The following CENPU variants were observed in gnomAD, a reference collection of about 807,000 sequenced individuals.
CENPU encodes the protein KSHV latent nuclear antigen interacting protein 1.
In CENPU, 46 loss-of-function variants were observed where a neutral mutation model predicts 56.7. The observed-to-expected ratio is 0.81, with a 90% CI of 0.64 to 1.04. The LOEUF (loss-of-function observed/expected upper bound fraction) is 1.04, where lower values mean the gene tolerates loss of function less well. Ranked by LOEUF, CENPU falls within the 50% of genes least tolerant of loss-of-function variation. The pLI, the probability that CENPU is intolerant of heterozygous loss-of-function variation, is 0.00. For missense variants in CENPU, 510 were observed against 490.1 expected (o/e 1.04, Z -0.38); for synonymous variants, 166 against 163.0 (o/e 1.02, Z -0.14).
rs530241220 is a variant in CENPU at position 184,694,251 on chromosome 4, C to T, written c.*1037G>A. On this transcript the variant is annotated 3_prime_UTR_variant, in exon 13 of 13. Transcript: ENST00000281453. ...TTAAAAAATTAAATCCACCCTTGCT[C>T]TTCCGTCGGGGAGTATTGAAAAGTA... The T allele has an allele frequency of 2.8e-5, 32 of 1,147,382 alleles. No individual in the cohort carries two copies. The highest frequency in any genetic ancestry group is 3.2e-5 in the African/African-American group (2 of 63,448). 71.1% of individuals were successfully genotyped at this position (1,147,382 alleles called of 1,614,324 possible).
chr4:184,702,018 G>C (rs1760549888), intron 10 of CENPU, 71 bp downstream of exon 10: 13 of 992,986 alleles, frequency 1.3e-5, no homozygotes, highest in Middle Eastern at 2.2e-4. Flanking sequence ...TAAACCCAGA[G>C]TCAAGTCTTC....
At chr4:184,729,882 G>A (rs1761578726) in intron 2 of CENPU, among the ~76,000 whole-genome samples, 1 of 152,200 alleles carries the variant, frequency 6.6e-6, no homozygotes, top group Non-Finnish European at 1.5e-5. Flanking sequence ...CAGAAAATGT[G>A]GAAGGGTACT....
In CENPU at chr4:184,720,236, A is replaced by G. The variant is rs182515356; in HGVS notation, c.321-3040T>C. Among the ~76,000 whole-genome samples, 90 of 152,284 alleles carry G rather than the reference A, an allele frequency of 5.9e-4. 1 individual carries two copies. The highest frequency in any genetic ancestry group is 2.1e-3 in the African/African-American group (87 of 41,562). On this transcript the variant is annotated intron_variant, in intron 4 of 12. Coordinates refer to ENST00000281453, the MANE Select transcript of CENPU (RefSeq NM_024629.4). Reference sequence around the variant, plus strand: ...ATTCAGTAGTTGAAAAATGTAACGGACATACTAAAGAATACATCAGAGTCT... The same window carrying G: ...ATTCAGTAGTTGAAAAATGTAACGGGCATACTAAAGAATACATCAGAGTCT...
intron 3 of CENPU, among the ~76,000 whole-genome samples, chr4:184,726,189 AG>A (rs1238859968): frequency 1.3e-5 from 2 of 152,174 alleles, no homozygotes; most frequent in East Asian, 1.9e-4. Flanking sequence ...GTGAATAACA[AG>A]GGGGGAAAAA....
chr4:184,714,584 C>T (rs571070688), intron 6 of CENPU, among the ~76,000 whole-genome samples: 40 of 152,234 alleles, frequency 2.6e-4, no homozygotes, highest in South Asian at 2.1e-3. Context: ...TGATAACACA[C>T]TGATTCTAAA....
At chr4:184,718,851 A>G (rs1024804031) in intron 4 of CENPU, among the ~76,000 whole-genome samples, 3 of 152,170 alleles carry the variant, frequency 2.0e-5, no homozygotes, top group African/African-American at 7.2e-5. Flanking sequence ...AAAAGGATGA[A>G]GCTCAGTTTT....
intron 6 of CENPU, among the ~76,000 whole-genome samples, chr4:184,713,378 A>G (rs1163723069): frequency 6.6e-6 from 1 of 152,234 alleles, no homozygotes; most frequent in Non-Finnish European, 1.5e-5. Flanking sequence ...TGGGCAACAG[A>G]GCAAGACTCC....
intron 4 of CENPU, 105 bp from the exon 5 acceptor site, chr4:184,717,301 G>C: frequency 1.2e-6 from 1 of 818,258 alleles, no homozygotes; most frequent in South Asian, 1.6e-5. Flanking sequence ...ATTTAATGAG[G>C]AAATATCCTA....
At chr4:184,732,174 CTTTTG>C (rs755072112) in intron 1 of CENPU, among the ~76,000 whole-genome samples, 34 of 151,956 alleles carry the variant, frequency 2.2e-4, no homozygotes, top group Non-Finnish European at 2.9e-4. Flanking sequence ...GTTCACAAGC[CTTTTG>C]TTTTATGTGT....
At chr4:184,716,719 A>C in intron 5 of CENPU, 86 bp from the exon 6 acceptor site, 1 of 1,025,208 alleles carries the variant, frequency 9.8e-7, no homozygotes, top group Non-Finnish European at 1.4e-6. Flanking sequence ...CCATATATAT[A>C]GTCCACATTT....
rs374711694 is a variant in CENPU at position 184,729,006 on chromosome 4, G to A, written c.126C>T (p.Asp42=). The change falls in exon 3 of 13, where the codon GAC becomes GAT. Residue 42 remains aspartate, a synonymous_variant. Transcript: ENST00000281453. ...CAGAATTATCAGGAAAGTCGAACAC[G>A]TCAATAGGCTTGCACTTTTGACCAG... ...DKAGQKCKPI[D]VFDFPDNSDV... is the part of the protein sequence containing the mutation. 3.8e-5 allele frequency: 62 copies of A among 1,613,780 alleles called. No individual in the cohort carries two copies. Among genetic ancestry groups the A allele is most frequent in the South Asian group, 1.8e-4 (16 of 90,988 alleles).
chr4:184,700,865 T>C lies in CENPU; in HGVS notation c.941A>G (p.Glu314Gly). ...TTCAATCATACGCTGCCTTTTCTTT[T>C]CGATATCTGAAATCATCTAAGTAAC... is the stretch of plus-strand genomic sequence containing the variant. Reference protein sequence around the residue: ...RKNAKMISDIEKKRQRMIEVQ... With the variant: ...RKNAKMISDIGKKRQRMIEVQ... Residue 314 changes from glutamate to glycine, a missense_variant, in exon 11 of 13, where the codon GAA (glutamate) becomes GGA (glycine). Transcript: ENST00000281453. 8.1e-6 allele frequency: 13 copies of C among 1,613,488 alleles called. No homozygotes were observed. Among genetic ancestry groups the C allele is most frequent in the Non-Finnish European group, 9.3e-6 (11 of 1,179,370 alleles).
At chr4:184,726,298 G>A (rs554968422) in intron 3 of CENPU, among the ~76,000 whole-genome samples, 2 of 152,066 alleles carry the variant, frequency 1.3e-5, no homozygotes, top group Admixed American at 1.3e-4. Flanking sequence ...ATTTAAAAAC[G>A]GGCAAAGGGT....
intron 1 of CENPU, among the ~76,000 whole-genome samples, chr4:184,732,643 C>T (rs777775800): frequency 2.6e-5 from 4 of 152,092 alleles, no homozygotes; most frequent in African/African-American, 9.7e-5. Flanking sequence ...GTCAAGGTTC[C>T]TCCTTGCCTT....
rs761117306 is a variant in CENPU, at chr4:184,716,612, T to A, written c.403A>T (p.Ile135Phe). The A allele has an allele frequency of 6.2e-7, 1 of 1,614,120 alleles. No homozygotes were observed. The highest frequency in any genetic ancestry group is 2.2e-5 in the East Asian group (1 of 44,886). Residue 135 changes from isoleucine (I) to phenylalanine (F), a missense_variant, in exon 6 of 13, where the codon ATT (isoleucine) becomes TTT (phenylalanine). Coordinates refer to ENST00000281453, the MANE Select transcript of CENPU (RefSeq NM_024629.4). ...AKKPGRKLRP[I>F]SDDSESIEES... ...TCAATGCTTTCAGAGTCATCACTAA[T>A]GGGCCTGAGCTTTCTTCCTGGCTGT...
At chr4:184,732,791 G>GA (rs1761696438) in intron 1 of CENPU, among the ~76,000 whole-genome samples, 1 of 152,028 alleles carries the variant, frequency 6.6e-6, no homozygotes, top group Non-Finnish European at 1.5e-5. Flanking sequence ...ATCACGAGGT[G>GA]AGGAAATCAA....
chr4:184,699,141 C>T (rs1011023855), intron 11 of CENPU, among the ~76,000 whole-genome samples: 4 of 151,904 alleles, frequency 2.6e-5, no homozygotes, highest in South Asian at 2.1e-4. Context: ...TCCTGACTAA[C>T]ATGGTGAAAC....
At position 184,719,798 on chromosome 4, in the gene CENPU, C is replaced by T. The variant is rs74536359; in HGVS notation, c.321-2602G>A. Reference sequence around the variant, plus strand: ...AGGACTTTGTTTTCCATCTTGGATACGAGCTCAGCCACAGTAGCATAGGGC... The same window carrying T: ...AGGACTTTGTTTTCCATCTTGGATATGAGCTCAGCCACAGTAGCATAGGGC... On this transcript the variant is annotated intron_variant, in intron 4 of 12. Transcript: ENST00000281453. Among the ~76,000 whole-genome samples, 1,109 of 152,262 alleles carry T rather than the reference C, an allele frequency of 7.3e-3. 15 individuals are homozygous for T. The highest frequency in any genetic ancestry group is 0.025 in the African/African-American group (1,047 of 41,536).
At position 184,695,308 on chromosome 4, in the gene CENPU, T is replaced by A. The variant is rs1323670979; in HGVS notation, c.1237A>T (p.Lys413Ter). ...HLRNINHQLE[K>*]LLDQG is the part of the protein sequence containing the mutation. ...TCTTCTCATCCCTGGTCAAGGAGCT[T>A]CTCTAACTGATGGTTGATATTTCGC... Residue 413 changes from lysine (K) to a stop codon, truncating the protein, a stop_gained, in exon 13 of 13, where the codon AAG (lysine) becomes TAG (stop). Transcript: ENST00000281453. LOFTEE classifies it high-confidence loss of function. The A allele has an allele frequency of 6.2e-7, 1 of 1,613,110 alleles. No individual in the cohort carries two copies. The highest frequency in any genetic ancestry group is 2.2e-5 in the East Asian group (1 of 44,848).
Sources: gnomAD v4.1 joint callset for allele counts (sites outside exome capture counted in the v4.1 genomes callset) on GRCh38, gnomAD v4.1.1 for gene constraint, MANE v1.5 for transcripts, NCBI Gene and HGNC (gene_info 2026-07-23, HGNC 2026-07-21) for gene names.